CERS3: variants seen among roughly 807,000 people sequenced by gnomAD.
The protein encoded by CERS3 is ceramide synthase 3.
A neutral mutation model predicts 50.3 loss-of-function variants in CERS3; 33 were observed. The ratio of observed to expected loss-of-function variants is 0.66; its 90% CI spans 0.50 to 0.88. CERS3 has a LOEUF of 0.88. CERS3 is among the 40% of genes least tolerant of loss of function. CERS3 has a pLI of 0.00. For synonymous variants in CERS3, 176 were observed against 155.2 expected (o/e 1.13, Z -0.99); for missense variants, 470 against 460.3 (o/e 1.02, Z -0.19).
chr15:100,437,098 C>T (rs1235350623), intron 11 of CERS3, among the ~76,000 whole-genome samples: 1 of 152,036 alleles, frequency 6.6e-6, no homozygotes, highest in African/African-American at 2.4e-5. Flanking sequence ...TGCGCTCCAC[C>T]ATGCCCGGCT....
At chr15:100,440,711 C>A (rs1452296767) in intron 11 of CERS3, among the ~76,000 whole-genome samples, 4 of 152,250 alleles carry the variant, frequency 2.6e-5, no homozygotes, top group Non-Finnish European at 5.9e-5. Context: ...ACCTCAGGTC[C>A]TCAGACCGAC....
At chr15:100,428,935 C>A (rs2654608) in intron 11 of CERS3, among the ~76,000 whole-genome samples, 41,708 of 152,122 alleles carry the variant, frequency 0.27, 5,911 homozygotes, top group East Asian at 0.42. Flanking sequence ...TGGAATAAAC[C>A]TTTCAAGAAG....
intron 10 of CERS3, among the ~76,000 whole-genome samples, chr15:100,467,806 T>C (rs56050405): frequency 6.1e-5 from 8 of 131,664 alleles, no homozygotes; most frequent in Admixed American, 1.6e-4. Flanking sequence ...TATATATATA[T>C]ACGTCTATAT....
chr15:100,496,433 C>T (rs2035817080), intron 3 of CERS3, among the ~76,000 whole-genome samples: 2 of 151,994 alleles, frequency 1.3e-5, no homozygotes, highest in Non-Finnish European at 2.9e-5. Context: ...ACACAAAAGA[C>T]CATAATCTAT....
At position 100,405,318 on chromosome 15, in the gene CERS3, A is replaced by G. The variant is rs114993687; in HGVS notation, c.1000-2453T>C. Reference sequence around the variant, plus strand: ...AGAGACACTTTATCAAAGAGGACACAGGATGACAAATAAGCATATGAAAGG... The same window carrying G: ...AGAGACACTTTATCAAAGAGGACACGGGATGACAAATAAGCATATGAAAGG... On this transcript the variant is annotated intron_variant, in intron 11 of 11. Transcript: ENST00000679737. Among the ~76,000 whole-genome samples the G allele has an allele frequency of 5.2e-3, 788 of 152,262 alleles. 7 individuals carry two copies. Among genetic ancestry groups the G allele is most frequent in the African/African-American group, 0.018 (755 of 41,570 alleles).
upstream of CERS3, among the ~76,000 whole-genome samples, chr15:100,533,824 C>T (rs541532835): frequency 4.6e-5 from 7 of 152,322 alleles, no homozygotes; most frequent in East Asian, 1.3e-3. Context: ...TCCCAAAGTG[C>T]TGAGATTACA....
intron 1 of CERS3, 125 bp from the exon 2 acceptor site, chr15:100,521,881 A>G (rs919282374): frequency 1.3e-5 from 2 of 152,198 alleles, no homozygotes; most frequent in African/African-American, 2.4e-5. Flanking sequence ...TGGTGCTGGC[A>G]AATTTGGGTC....
chr15:100,402,296 G>A lies in CERS3; in HGVS notation c.*417C>T, dbSNP rs1311299597. The A allele has an allele frequency of 1.3e-5, 2 of 159,596 alleles. No individual in the cohort carries two copies. Among genetic ancestry groups the A allele is most frequent in the Non-Finnish European group, 2.7e-5 (2 of 72,914 alleles). The allele number at this position is 159,596 out of a possible 1,614,324, so 9.9% of individuals were successfully genotyped here. A position where few individuals can be genotyped will look rare whatever the true frequency, so the allele number is the denominator to read the frequency against. ...CCCACTGCCACTTCTAACTCATTTT[G>A]AGAAAGAAGCTGCTCTTTGTGGCCA... On this transcript the variant is annotated 3_prime_UTR_variant, in exon 12 of 12. Transcript: ENST00000679737.
At chr15:100,451,029 A>G (rs535192189) in intron 11 of CERS3, among the ~76,000 whole-genome samples, 1 of 152,218 alleles carries the variant, frequency 6.6e-6, no homozygotes, top group African/African-American at 2.4e-5. Context: ...TCACAACTAC[A>G]CTGGCCCTAC....
intron 2 of CERS3, among the ~76,000 whole-genome samples, chr15:100,505,650 T>A (rs991003428): frequency 1.3e-5 from 2 of 152,170 alleles, no homozygotes; most frequent in African/African-American, 4.8e-5. Context: ...TGTAAAACTC[T>A]TAGAAGAAAA....
chr15:100,422,264 AG>A (rs1470962493), intron 11 of CERS3, among the ~76,000 whole-genome samples: 1 of 34,674 alleles, frequency 2.9e-5, no homozygotes, highest in African/African-American at 8.7e-5. Context: ...CCCATCAAAA[AG>A]TGGGCGAAGG....
intron 11 of CERS3, among the ~76,000 whole-genome samples, chr15:100,437,590 G>T (rs573767952): frequency 6.6e-6 from 1 of 152,298 alleles, no homozygotes; most frequent in Admixed American, 6.5e-5. Flanking sequence ...AGAGCCAACT[G>T]CCCGACAACG....
chr15:100,446,935 A>G (rs1372234860), intron 11 of CERS3, among the ~76,000 whole-genome samples: 2 of 152,214 alleles, frequency 1.3e-5, no homozygotes, highest in Non-Finnish European at 2.9e-5. Context: ...TTGTAGCAAT[A>G]AGACACCAAG....
At chr15:100,541,118 C>T (rs1343581469) in intron 1 of CERS3, among the ~76,000 whole-genome samples, 1 of 152,142 alleles carries the variant, frequency 6.6e-6, no homozygotes. Flanking sequence ...CTGTGGGGGT[C>T]TATCAACAGA....
chr15:100,544,498 T>TCCGCGGGGACAC (rs2037307100), intron 1 of CERS3: 1 of 148,670 alleles, frequency 6.7e-6, no homozygotes, highest in Non-Finnish European at 1.5e-5. Context: ...GGCCTCGACC[T>TCCGCGGGGACAC]GGGCCTGCGC....
chr15:100,461,459 T>A (rs1046589358), intron 10 of CERS3, among the ~76,000 whole-genome samples: 1 of 152,208 alleles, frequency 6.6e-6, no homozygotes, highest in African/African-American at 2.4e-5. Flanking sequence ...TCTTAGCAAG[T>A]TCCATAATCT....
At chr15:100,431,495 C>A (rs2142120834) in intron 11 of CERS3, among the ~76,000 whole-genome samples, 1 of 152,062 alleles carries the variant, frequency 6.6e-6, no homozygotes, top group African/African-American at 2.4e-5. Flanking sequence ...CACAAAAGTC[C>A]ACTAATTTTG....
rs1172550676 is a variant in CERS3 at position 100,457,837 on chromosome 15, A to G, written c.846-1791T>C. 5.3e-5 allele frequency among the ~76,000 whole-genome samples: 8 copies of G among 152,162 alleles called. No individual in the cohort carries two copies. The East Asian group carries it at 1.3e-3, about 26-fold the overall frequency. On this transcript the variant is annotated intron_variant, in intron 10 of 11. Transcript: ENST00000679737. ...CTTTGTTGGTACTTCATATTGTTCTATATTTTTGCCACTGCAGTAAACATA... is the reference window on the plus strand; with the variant it reads ...CTTTGTTGGTACTTCATATTGTTCTGTATTTTTGCCACTGCAGTAAACATA...
chr15:100,502,495 A>T (rs934575774), intron 2 of CERS3, among the ~76,000 whole-genome samples: 35 of 152,314 alleles, frequency 2.3e-4, no homozygotes, highest in Non-Finnish European at 4.9e-4. Context: ...GTATAAAAAA[A>T]TAACAATAGG....
Sources: gnomAD v4.1 joint callset for allele counts (sites outside exome capture counted in the v4.1 genomes callset) on GRCh38, gnomAD v4.1.1 for gene constraint, MANE v1.5 for transcripts, NCBI Gene and HGNC (gene_info 2026-07-23, HGNC 2026-07-21) for gene names.